LOXHD1: variants seen among roughly 807,000 people sequenced by gnomAD.
LOXHD1 encodes lipoxygenase homology PLAT domains 1, also known as lipoxygenase homology domain-containing protein 1.
A neutral mutation model predicts 248.2 loss-of-function variants in LOXHD1; 205 were observed. The observed-to-expected ratio is 0.83, with a 90% CI of 0.74 to 0.93. The LOEUF (loss-of-function observed/expected upper bound fraction) is 0.93, where lower values mean the gene tolerates loss of function less well. Among genes scored for constraint, LOXHD1 ranks in the 40% least tolerant of loss-of-function variants. The pLI is 0.00. For missense variants in LOXHD1, 2,930 were observed against 2,971.6 expected (o/e 0.99, Z 0.33); for synonymous variants, 1,113 against 1,162.8 (o/e 0.96, Z 0.87).
At chr18:46,567,464 G>A (rs1341142356) in intron 16 of LOXHD1, among the ~76,000 whole-genome samples, 1 of 152,226 alleles carries the variant, frequency 6.6e-6, no homozygotes, top group Non-Finnish European at 1.5e-5. Flanking sequence ...CAAAGCCTGA[G>A]AGCCCTCTGT....
chr18:46,608,035 G>GGAAGGAA (rs2038444221), intron 6 of LOXHD1, among the ~76,000 whole-genome samples: 1 of 111,268 alleles, frequency 9.0e-6, no homozygotes, highest in Non-Finnish European at 1.9e-5. Context: ...GAAGGAAGGA[G>GGAAGGAA]GGAAGGAAGG....
intron 28 of LOXHD1, among the ~76,000 whole-genome samples, chr18:46,529,993 G>T (rs79972732): frequency 0.072 from 10,998 of 152,082 alleles, 589 homozygotes; most frequent in Non-Finnish European, 0.11. Context: ...AAACAAAAAC[G>T]CATGGTATCT....
At chr18:46,634,676 A>T (rs1278243385) in intron 4 of LOXHD1, among the ~76,000 whole-genome samples, 1 of 152,186 alleles carries the variant, frequency 6.6e-6, no homozygotes, top group Non-Finnish European at 1.5e-5. Flanking sequence ...TCCCAAATCC[A>T]AAACACTTCT....
intron 22 of LOXHD1, 92 bp from the exon 23 acceptor site, chr18:46,545,513 C>G (rs1269945357): frequency 9.0e-6 from 8 of 889,432 alleles, no homozygotes; most frequent in Non-Finnish European, 1.3e-5. Context: ...GAAGGGCTTC[C>G]TTGATTCACT....
At chr18:46,519,654 T>A (rs1372167598) in intron 33 of LOXHD1, among the ~76,000 whole-genome samples, 1 of 152,060 alleles carries the variant, frequency 6.6e-6, no homozygotes, top group Non-Finnish European at 1.5e-5. Flanking sequence ...CAGGCAGGCA[T>A]AAAAAATAGA....
At chr18:46,513,124 C>T (rs2035063175) in intron 34 of LOXHD1, among the ~76,000 whole-genome samples, 1 of 152,104 alleles carries the variant, frequency 6.6e-6, no homozygotes, top group South Asian at 2.1e-4. Flanking sequence ...AATTTCTTGG[C>T]CTGAAGGCAG....
chr18:46,624,310 G>A (rs2038709351), intron 4 of LOXHD1, among the ~76,000 whole-genome samples: 1 of 152,204 alleles, frequency 6.6e-6, no homozygotes, highest in African/African-American at 2.4e-5. Context: ...GCAAGGGAGA[G>A]AGATTCAGCG....
intron 22 of LOXHD1, among the ~76,000 whole-genome samples, chr18:46,546,265 G>A (rs1258695286): frequency 6.7e-6 from 1 of 150,084 alleles, no homozygotes; most frequent in Non-Finnish European, 1.5e-5. Flanking sequence ...ATCAGAAGTG[G>A]CTACACTCAT....
rs1217234229 is a variant in LOXHD1, at chr18:46,559,479, G to A, written c.3185C>T (p.Ser1062Leu). ...GDTGERPLKK[S>L]DKSNKFEQGQ... The stretch of plus-strand genomic sequence containing the variant: ...CTGCTCAAATTTGTTGGACTTGTCT[G>A]ACTTCTTCAGGGGTCGTTCGCCCGT... Residue 1062 changes from serine to leucine, a missense_variant, in exon 20 of 41, where the codon TCA (serine) becomes TTA (leucine). Ser to Leu is a moderately radical substitution (Grantham distance 145, BLOSUM62 -2). Coordinates refer to ENST00000642948, the MANE Select transcript of LOXHD1 (RefSeq NM_001384474.1). The A allele has an allele frequency of 2.6e-6, 4 of 1,551,940 alleles. No individual in the cohort carries two copies. In the East Asian group the frequency reaches 9.8e-5, roughly 38 times the overall value.
At chr18:46,535,277 T>G (rs2036257416) in intron 26 of LOXHD1, among the ~76,000 whole-genome samples, 1 of 152,026 alleles carries the variant, frequency 6.6e-6, no homozygotes. Context: ...CAATAAGCAT[T>G]GGTTGCAAGG....
intron 33 of LOXHD1, chr18:46,519,066 G>T (rs1169586765): frequency 1.0e-6 from 1 of 985,482 alleles, no homozygotes; most frequent in Non-Finnish European, 1.2e-6. Flanking sequence ...CCCCCACCTC[G>T]GTTCTTCCTC....
chr18:46,634,575 AC>A (rs749126750), intron 4 of LOXHD1, among the ~76,000 whole-genome samples: 4 of 152,340 alleles, frequency 2.6e-5, no homozygotes, highest in Admixed American at 2.0e-4. Context: ...TACATATGAA[AC>A]AAATGAATTT....
chr18:46,529,227 G>C lies in LOXHD1; in HGVS notation c.4480C>G (p.Arg1494Gly), dbSNP rs201587138. The C allele has an allele frequency of 6.4e-7, 1 of 1,551,552 alleles. No individual in the cohort carries two copies. The change falls in exon 29 of 41, where the codon CGA (arginine) becomes GGA (glycine). Residue 1494 changes from arginine to glycine, a missense_variant. Arg to Gly is a moderately radical substitution (Grantham distance 125). Coordinates refer to ENST00000642948, the MANE Select transcript of LOXHD1 (RefSeq NM_001384474.1). The stretch of plus-strand genomic sequence containing the variant: ...CGGTTCTCTGACTTGCCAAGGTATC[G>C]CTCCCCAGTGTCCCCGAGGTCTCCA... ...IYGDLGDTGE[R>G]YLGKSENRTN...
intron 8 of LOXHD1, among the ~76,000 whole-genome samples, chr18:46,596,853 A>T (rs1410786059): frequency 6.6e-6 from 1 of 152,232 alleles, no homozygotes; most frequent in East Asian, 1.9e-4. Flanking sequence ...GTACCGTAAA[A>T]TTATTTTTCA....
At chr18:46,486,029 C>T (rs2033022700) in intron 38 of LOXHD1, among the ~76,000 whole-genome samples, 1 of 152,032 alleles carries the variant, frequency 6.6e-6, no homozygotes, top group Non-Finnish European at 1.5e-5. Flanking sequence ...CTCATCCTTA[C>T]TCAAAAGTCA....
rs185961466 is a variant in LOXHD1, at chr18:46,632,478, G to A, written c.511+7138C>T. Among the ~76,000 whole-genome samples the A allele has an allele frequency of 5.0e-3, 769 of 152,304 alleles. 7 individuals carry two copies. Among genetic ancestry groups the A allele is most frequent in the African/African-American group, 0.018 (741 of 41,558 alleles). On this transcript the variant is annotated intron_variant, in intron 4 of 40. Coordinates refer to ENST00000642948, the MANE Select transcript of LOXHD1 (RefSeq NM_001384474.1). Reference sequence around the variant, plus strand: ...GCTGCACCTGCAGGCAGGGGAGACAGTGCTTAACTTCCAGCCAGGGGCTGC... The same window carrying A: ...GCTGCACCTGCAGGCAGGGGAGACAATGCTTAACTTCCAGCCAGGGGCTGC...
At chr18:46,503,713 C>T (rs956866572) in intron 37 of LOXHD1, among the ~76,000 whole-genome samples, 10 of 152,190 alleles carry the variant, frequency 6.6e-5, no homozygotes, top group African/African-American at 1.7e-4. Context: ...ACTCATAATG[C>T]CACTTGAATG....
chr18:46,566,544 A>C, intron 16 of LOXHD1, 95 bp from the exon 17 acceptor site: 29 of 1,050,818 alleles, frequency 2.8e-5, no homozygotes, highest in Non-Finnish European at 3.7e-5. Context: ...ACAAAACACA[A>C]CCCAGGTCTC....
chr18:46,535,703 T>C (rs2036281110), intron 26 of LOXHD1, among the ~76,000 whole-genome samples: 1 of 152,136 alleles, frequency 6.6e-6, no homozygotes, highest in Non-Finnish European at 1.5e-5. Context: ...CTGGAGTAGC[T>C]GGGATTACAG....
Sources: gnomAD v4.1 joint callset for allele counts (sites outside exome capture counted in the v4.1 genomes callset) on GRCh38, gnomAD v4.1.1 for gene constraint, MANE v1.5 for transcripts, NCBI Gene and HGNC (gene_info 2026-07-23, HGNC 2026-07-21) for gene names.